ANK3: variants seen among roughly 807,000 people sequenced by gnomAD.
The protein encoded by ANK3 is ankyrin-3.
Under a neutral mutation model 370.9 loss-of-function variants are expected in ANK3, and 57 were observed. The observed-to-expected ratio is 0.15, with a 90% confidence interval of 0.12 to 0.19. ANK3 has a LOEUF of 0.19. ANK3 is among the 10% of genes least tolerant of loss of function. ANK3 has a pLI of 1.00. For missense variants in ANK3, 4,439 were observed against 5,302.1 expected (o/e 0.84, Z 5.06); for synonymous variants, 1,929 against 1,946.3 (o/e 0.99, Z 0.23).
chr10:60,549,945 A>G (rs150727204), intron 2 of ANK3, among the ~76,000 whole-genome samples: 10 of 152,246 alleles, frequency 6.6e-5, no homozygotes, highest in African/African-American at 1.4e-4. Context: ...GGAACATGCT[A>G]TCAAGAAGAG....
chr10:60,626,199 T>G (rs977367534), intron 1 of ANK3, among the ~76,000 whole-genome samples: 8 of 152,158 alleles, frequency 5.3e-5, no homozygotes. Context: ...CTTGGGTGAT[T>G]ACATACTTTC....
chr10:60,268,953 A>C (rs1752316676), intron 5 of ANK3, among the ~76,000 whole-genome samples: 1 of 152,170 alleles, frequency 6.6e-6, no homozygotes, highest in South Asian at 2.1e-4. Flanking sequence ...CTATCTCTTA[A>C]TTTATTTAGT....
At position 60,371,848 on chromosome 10, in the gene ANK3, G is replaced by A. The variant is rs187808390; in HGVS notation, c.114+17577C>T. Among the ~76,000 whole-genome samples the A allele has an allele frequency of 2.0e-4, 30 of 152,132 alleles. No individual in the cohort carries two copies. The East Asian group carries it at 4.4e-3, about 22-fold the overall frequency. On this transcript the variant is annotated intron_variant, in intron 1 of 43. Coordinates refer to ENST00000280772, the MANE Select transcript of ANK3 (RefSeq NM_020987.5). ...AGTGAATTTTAGTGAAAACTTCTCC[G>A]ATGAAGAAGGTGAGAAAAGAAAGCA...
At chr10:60,359,268 T>C (rs149343467) in intron 1 of ANK3, among the ~76,000 whole-genome samples, 127 of 152,238 alleles carry the variant, frequency 8.3e-4, no homozygotes, top group African/African-American at 3.0e-3. Context: ...CCTGCTGCCC[T>C]CACTCTCCCA....
intron 7 of ANK3, among the ~76,000 whole-genome samples, chr10:60,242,875 TTTTTTG>T: frequency 6.6e-6 from 1 of 152,332 alleles, no homozygotes; most frequent in South Asian, 2.1e-4. Context: ...AAAAATTTGA[TTTTTTG>T]AAGACCCTAA....
chr10:60,085,105 A>G lies in ANK3; in HGVS notation c.3845+52T>C, dbSNP rs1009768690. The stretch of plus-strand genomic sequence containing the variant: ...AACACAACAATTTTTACTTTCCAAA[A>G]GGTAATAAAAACTAATTCCTTACTG... On this transcript the variant is annotated intron_variant, in intron 31 of 43. Coordinates refer to ENST00000280772, the MANE Select transcript of ANK3 (RefSeq NM_020987.5). The G allele has an allele frequency of 8.3e-6, 12 of 1,448,446 alleles. No individual in the cohort carries two copies. The African/African-American group carries it at 1.6e-4, about 19-fold the overall frequency. 89.7% of individuals were successfully genotyped at this position (1,448,446 alleles called of 1,614,324 possible). A position where few individuals can be genotyped will look rare whatever the true frequency, so the allele number is the denominator to read the frequency against.
intron 1 of ANK3, among the ~76,000 whole-genome samples, chr10:60,322,784 G>A (rs141713129): frequency 6.6e-6 from 1 of 151,032 alleles, no homozygotes; most frequent in African/African-American, 2.4e-5. Flanking sequence ...ATTCCAGAGG[G>A]TGAAAACCTA....
chr10:60,457,124 T>A (rs1410341687), intron 2 of ANK3, among the ~76,000 whole-genome samples: 1 of 152,064 alleles, frequency 6.6e-6, no homozygotes, highest in Non-Finnish European at 1.5e-5. Flanking sequence ...ACTTTAACCA[T>A]GGTTTGTCAT....
intron 42 of ANK3, chr10:60,050,770 A>T (rs2077791865): frequency 6.6e-6 from 1 of 152,184 alleles, no homozygotes; most frequent in Non-Finnish European, 1.5e-5. Flanking sequence ...AAGACAGAAT[A>T]TTTATTAATA....
At position 60,229,821 on chromosome 10, in the gene ANK3, T is replaced by C. The variant is rs549073416; in HGVS notation, c.897+4867A>G. On this transcript the variant is annotated intron_variant, in intron 8 of 43. Transcript: ENST00000280772. The stretch of plus-strand genomic sequence containing the variant: ...GCAAACACTTATTAGGCATTTAATA[T>C]GCACCAGGAAGTGTGCTAAGTATGC... 1.8e-4 allele frequency among the ~76,000 whole-genome samples: 27 copies of C among 152,324 alleles called. 1 individual carries two copies. The South Asian group carries it at 2.7e-3, about 15-fold the overall frequency.
chr10:60,251,984 T>C (rs2097674328), intron 7 of ANK3, among the ~76,000 whole-genome samples: 1 of 152,230 alleles, frequency 6.6e-6, no homozygotes, highest in Non-Finnish European at 1.5e-5. Context: ...CCCATTTCTA[T>C]ATTTCCATCA....
At chr10:60,250,396 G>A (rs547928671) in intron 7 of ANK3, among the ~76,000 whole-genome samples, 2 of 152,180 alleles carry the variant, frequency 1.3e-5, no homozygotes, top group Admixed American at 6.5e-5. Flanking sequence ...ATGGAGTCTC[G>A]CTCTGTCGCC....
chr10:60,231,356 C>T (rs1273728152), intron 8 of ANK3, among the ~76,000 whole-genome samples: 1 of 152,092 alleles, frequency 6.6e-6, no homozygotes, highest in African/African-American at 2.4e-5. Flanking sequence ...GAACAAGGTC[C>T]CTTACAGTGC....
chr10:60,260,684 G>A (rs549432027), intron 7 of ANK3, among the ~76,000 whole-genome samples: 1 of 152,210 alleles, frequency 6.6e-6, no homozygotes, highest in South Asian at 2.1e-4. Flanking sequence ...TAGTGAGGGA[G>A]TTCTCATGAG....
intron 23 of ANK3, among the ~76,000 whole-genome samples, chr10:60,154,382 C>T (rs1384609768): frequency 2.0e-5 from 3 of 152,214 alleles, no homozygotes; most frequent in Non-Finnish European, 4.4e-5. Context: ...GAGTCCTAGA[C>T]ATTTGGCAAG....
intron 8 of ANK3, among the ~76,000 whole-genome samples, chr10:60,228,734 A>C (rs1197402737): frequency 1.3e-5 from 2 of 152,086 alleles, no homozygotes; most frequent in Non-Finnish European, 2.9e-5. Flanking sequence ...TGTCTAACTG[A>C]TGTAGAGCTA....
intron 1 of ANK3, among the ~76,000 whole-genome samples, chr10:60,289,263 CCT>C (rs2040769378): frequency 7.6e-6 from 1 of 131,034 alleles, no homozygotes; most frequent in Admixed American, 7.9e-5. Context: ...CTATGCCCTG[CCT>C]TTTTTTTTTT....
Position 60,444,079 on chromosome 10 carries a change from G to A in ANK3, c.97-164440C>T, listed in dbSNP as rs186703710. ...ATTAAAAAAACATGAAAATATATAT[G>A]TATCTCAAATGTTAGCATGGGCACT... On this transcript the variant is annotated intron_variant, in intron 2 of 43. Transcript: ENST00000373827. 2.5e-3 allele frequency among the ~76,000 whole-genome samples: 380 copies of A among 151,776 alleles called. 1 individual carries two copies. Among genetic ancestry groups the A allele is most frequent in the African/African-American group, 8.4e-3 (349 of 41,366 alleles).
chr10:60,119,262 G>C (rs1438722453), intron 25 of ANK3, among the ~76,000 whole-genome samples: 1 of 152,152 alleles, frequency 6.6e-6, no homozygotes, highest in African/African-American at 2.4e-5. Context: ...GGAACCTACG[G>C]TTTTATACAT....
Sources: gnomAD v4.1 joint callset for allele counts (sites outside exome capture counted in the v4.1 genomes callset) on GRCh38, gnomAD v4.1.1 for gene constraint, MANE v1.5 for transcripts, NCBI Gene and HGNC (gene_info 2026-07-23, HGNC 2026-07-21) for gene names.